SMG7: variants seen among roughly 807,000 people sequenced by gnomAD.
The protein encoded by SMG7 is nonsense-mediated mRNA decay factor SMG7.
Under a neutral mutation model 148.2 loss-of-function variants are expected in SMG7, and 34 were observed. The ratio of observed to expected loss-of-function variants is 0.23; its 90% CI spans 0.17 to 0.31. The LOEUF (loss-of-function observed/expected upper bound fraction) is 0.31, where lower values mean the gene tolerates loss of function less well. SMG7 is among the 10% of genes least tolerant of loss of function. SMG7 has a pLI of 1.00. For synonymous variants in SMG7, 492 were observed against 515.1 expected (o/e 0.96, Z 0.61); for missense variants, 1,114 against 1,408.4 (o/e 0.79, Z 3.35).
intron 8 of SMG7, among the ~76,000 whole-genome samples, chr1:183,532,147 A>C (rs894584794): frequency 1.3e-5 from 2 of 152,154 alleles, no homozygotes; most frequent in African/African-American, 4.8e-5. Context: ...TGTAAATAAA[A>C]ACAAAAATCT....
intron 12 of SMG7, among the ~76,000 whole-genome samples, chr1:183,539,746 A>C (rs1242792552): frequency 6.6e-6 from 1 of 152,208 alleles, no homozygotes; most frequent in African/African-American, 2.4e-5. Context: ...TGTCTTTCTC[A>C]CCAAGCCTTT....
rs1052515704 is a variant in SMG7, at chr1:183,547,086, A to G, written c.2743-17A>G. ...TTATCCCTTATTGCTTCTCACTGTGATGCTTTCTGTCACTAGGACCCCAAG... is the reference window on the plus strand; with the variant it reads ...TTATCCCTTATTGCTTCTCACTGTGGTGCTTTCTGTCACTAGGACCCCAAG... On this transcript the variant is annotated splice_polypyrimidine_tract_variant and intron_variant, in intron 17 of 22. Coordinates refer to ENST00000688051, the MANE Select transcript of SMG7 (RefSeq NM_001375584.1). 3.2e-6 allele frequency: 5 copies of G among 1,545,912 alleles called. No individual in the cohort carries two copies. In the Admixed American group the frequency reaches 1.0e-4, roughly 31 times the overall value.
Position 183,527,929 on chromosome 1 carries a change from T to C in SMG7, c.485-27T>C, listed in dbSNP as rs1666176658. ...TACCCTACTGTTTGTTTTTTGGGTT[T>C]TTTAAAACTAATTTTCTTCTTCTTA... On this transcript the variant is annotated intron_variant, in intron 5 of 22. Coordinates refer to ENST00000688051, the MANE Select transcript of SMG7 (RefSeq NM_001375584.1). The surrounding 1 kb of genome is among the most constrained non-coding windows in gnomAD (Gnocchi z 4.0). 3 of 1,603,092 alleles carry C rather than the reference T, an allele frequency of 1.9e-6. No homozygotes were observed. The highest frequency in any genetic ancestry group is 1.1e-5 in the South Asian group (1 of 90,556).
At chr1:183,520,625 C>G (rs549321199) in intron 4 of SMG7, among the ~76,000 whole-genome samples, 1 of 152,216 alleles carries the variant, frequency 6.6e-6, no homozygotes, top group South Asian at 2.1e-4. Flanking sequence ...GGGAAGGCAT[C>G]TACCTTCTGC....
At chr1:183,541,652 T>G (rs1417875343) in intron 13 of SMG7, among the ~76,000 whole-genome samples, 2 of 152,234 alleles carry the variant, frequency 1.3e-5, no homozygotes, top group African/African-American at 4.8e-5. Context: ...ACTAACTACT[T>G]CCTCATTTTT....
chr1:183,476,301 C>A (rs1652179229), intron 1 of SMG7, among the ~76,000 whole-genome samples: 1 of 152,162 alleles, frequency 6.6e-6, no homozygotes. Context: ...TTCTTGCCTA[C>A]CTTTGTCAGT....
Position 183,517,791 on chromosome 1 carries a change from C to T in SMG7, c.283C>T (p.Leu95=). ...SEVQANLSLF[L]EAASGFYTQL... is the part of the protein sequence containing the mutation. ...AGTTCAGGCAAACCTTTCTCTGTTCCTAGAGGCAGCTAGTGGCTTCTATAC... is the reference window on the plus strand; with the variant it reads ...AGTTCAGGCAAACCTTTCTCTGTTCTTAGAGGCAGCTAGTGGCTTCTATAC... The change falls in exon 4 of 23, where the codon CTA becomes TTA. Residue 95 remains leucine (L), a synonymous_variant. Transcript: ENST00000688051. 5 of 1,614,096 alleles carry T rather than the reference C, an allele frequency of 3.1e-6. No homozygotes were observed. Among genetic ancestry groups the T allele is most frequent in the Non-Finnish European group, 4.2e-6 (5 of 1,179,968 alleles).
intron 12 of SMG7, among the ~76,000 whole-genome samples, chr1:183,539,094 G>A (rs995389863): frequency 2.0e-5 from 3 of 152,030 alleles, no homozygotes; most frequent in African/African-American, 7.2e-5. Flanking sequence ...AGGCTGCAGT[G>A]AGCTGAGAGA....
At chr1:183,550,073 AG>A in intron 20 of SMG7, 150 bp downstream of exon 20, 4 of 639,176 alleles carry the variant, frequency 6.3e-6, no homozygotes, top group South Asian at 2.8e-5. Context: ...GAAAGGAAAT[AG>A]AAAAAAAAAA....
chr1:183,542,008 A>G lies in SMG7; in HGVS notation c.1416-68A>G. Reference sequence around the variant, plus strand: ...GCTAGGAATATATTGACTTGGATCCACACACAATTCAGTTGTTATTTTTTA... The same window carrying G: ...GCTAGGAATATATTGACTTGGATCCGCACACAATTCAGTTGTTATTTTTTA... On this transcript the variant is annotated intron_variant, in intron 13 of 22. Transcript: ENST00000688051. The G allele has an allele frequency of 6.1e-6, 8 of 1,302,710 alleles. No homozygotes were observed. The South Asian group carries it at 8.3e-5, about 14-fold the overall frequency. The allele number at this position is 1,302,710 out of a possible 1,614,324, so 80.7% of individuals were successfully genotyped here.
At chr1:183,521,095 C>T (rs1664665986) in intron 4 of SMG7, among the ~76,000 whole-genome samples, 1 of 134,570 alleles carries the variant, frequency 7.4e-6, no homozygotes, top group African/African-American at 2.8e-5. Flanking sequence ...TTTTTTAAGA[C>T]AGAGTCTTGC....
At chr1:183,502,169 TC>T (rs1455429089) in intron 1 of SMG7, 2 of 926,560 alleles carry the variant, frequency 2.2e-6, no homozygotes, top group African/African-American at 1.7e-5. Flanking sequence ...TGAAGTCATT[TC>T]AAATAAAGAT....
chr1:183,535,658 A>G (rs945984712), intron 10 of SMG7, among the ~76,000 whole-genome samples: 1 of 152,154 alleles, frequency 6.6e-6, no homozygotes, highest in African/African-American at 2.4e-5. Flanking sequence ...CTCAATTTCT[A>G]GAATTTACTT....
chr1:183,474,474 G>C (rs1381834340), intron 1 of SMG7, among the ~76,000 whole-genome samples: 1 of 152,224 alleles, frequency 6.6e-6, no homozygotes. Flanking sequence ...TGAGGCAGGA[G>C]AATCGCTTGA....
chr1:183,538,145 TCTC>T (rs1300282430), intron 11 of SMG7, among the ~76,000 whole-genome samples: 2 of 152,202 alleles, frequency 1.3e-5, no homozygotes, highest in South Asian at 2.1e-4. Flanking sequence ...AAAAAGCCAT[TCTC>T]CTCAGCATTG....
At chr1:183,547,728 A>C (rs900917569) in intron 18 of SMG7, among the ~76,000 whole-genome samples, 1 of 152,200 alleles carries the variant, frequency 6.6e-6, no homozygotes, top group Non-Finnish European at 1.5e-5. Context: ...AACTAAATGC[A>C]GAAAGAGCCC....
Position 183,551,035 on chromosome 1 carries a change from C to T in SMG7, c.3305-10C>T. On this transcript the variant is annotated splice_polypyrimidine_tract_variant and intron_variant, in intron 21 of 22. Coordinates refer to ENST00000688051, the MANE Select transcript of SMG7 (RefSeq NM_001375584.1). ...TTCTTGAATTTTTCTTATCTCTTTT[C>T]ATCCCTTAGCCATGGGTGGGTTTGG... 6.2e-7 allele frequency: 1 copy of T among 1,614,052 alleles called. No homozygotes were observed. Among genetic ancestry groups the T allele is most frequent in the Non-Finnish European group, 8.5e-7 (1 of 1,179,968 alleles).
chr1:183,526,116 T>C (rs568582484), intron 4 of SMG7, among the ~76,000 whole-genome samples: 1 of 150,390 alleles, frequency 6.6e-6, no homozygotes, highest in East Asian at 1.9e-4. Context: ...ATACTAGTTA[T>C]CCTGTGAAAG....
intron 13 of SMG7, 69 bp downstream of exon 13, chr1:183,541,172 G>A (rs1292029135): frequency 1.7e-5 from 23 of 1,361,490 alleles, no homozygotes; most frequent in East Asian, 4.7e-5. Context: ...GCGCACACGC[G>A]CGCGCACACA....
Sources: allele counts gnomAD v4.1 joint callset (sites outside exome capture counted in the v4.1 genomes callset), GRCh38; gene constraint gnomAD v4.1.1; non-coding constraint Gnocchi (gnomAD v3.1); transcripts MANE v1.5; gene names NCBI Gene and HGNC (gene_info 2026-07-23, HGNC 2026-07-21).